Variants in PLCG2 observed in about 807,000 individuals in gnomAD.
The protein encoded by PLCG2 is 1-phosphatidylinositol 4,5-bisphosphate phosphodiesterase gamma-2.
Under a neutral mutation model 175.6 loss-of-function variants are expected in PLCG2, and 69 were observed. That is an observed-to-expected ratio of 0.39 (90% CI 0.32 to 0.48). The LOEUF is 0.48. Among genes scored for constraint, PLCG2 ranks in the 20% least tolerant of loss-of-function variants. PLCG2 has a pLI of 0.91. For synonymous variants in PLCG2, 827 were observed against 624.0 expected (o/e 1.33, Z -4.85); for missense variants, 1,798 against 1,650.9 (o/e 1.09, Z -1.54).
chr16:81,865,015 G>A (rs547587640), intron 5 of PLCG2, among the ~76,000 whole-genome samples: 1 of 152,280 alleles, frequency 6.6e-6, no homozygotes, highest in Admixed American at 6.5e-5. Flanking sequence ...GTGTGCAGGA[G>A]GCTTACTAGG....
chr16:81,825,253 C>A (rs1466568170), intron 2 of PLCG2, among the ~76,000 whole-genome samples: 1 of 143,576 alleles, frequency 7.0e-6, no homozygotes, highest in Non-Finnish European at 1.5e-5. Context: ...CTGCTCTAAT[C>A]TTTTAAATTA....
chr16:81,939,565 C>A (rs1910853384), intron 29 of PLCG2, among the ~76,000 whole-genome samples: 2 of 152,066 alleles, frequency 1.3e-5, no homozygotes, highest in African/African-American at 2.4e-5. Context: ...AGGCTCTCCT[C>A]CCCTTTTGTC....
At chr16:81,817,974 TG>T (rs1327241679) in intron 2 of PLCG2, among the ~76,000 whole-genome samples, 1 of 152,204 alleles carries the variant, frequency 6.6e-6, no homozygotes, top group Non-Finnish European at 1.5e-5. Context: ...AGACAGATTC[TG>T]GGAGGGAAGG....
chr16:81,876,760 C>T (rs1235338342), intron 7 of PLCG2, among the ~76,000 whole-genome samples: 1 of 152,232 alleles, frequency 6.6e-6, no homozygotes, highest in Non-Finnish European at 1.5e-5. Flanking sequence ...ACATAAGGCC[C>T]AGTGCCACCC....
At chr16:81,768,856 C>T (rs914755005) in intron 2 of PLCG2, among the ~76,000 whole-genome samples, 8 of 152,216 alleles carry the variant, frequency 5.3e-5, no homozygotes, top group African/African-American at 1.2e-4. Context: ...TGTGAGCCAC[C>T]GTGCCCAGCC....
At chr16:81,878,412 G>T (rs1431230098) in intron 7 of PLCG2, among the ~76,000 whole-genome samples, 1 of 152,062 alleles carries the variant, frequency 6.6e-6, no homozygotes, top group Non-Finnish European at 1.5e-5. Flanking sequence ...ATGGGTACTG[G>T]GTATTAGGAC....
intron 2 of PLCG2, among the ~76,000 whole-genome samples, chr16:81,844,278 C>G (rs1905995698): frequency 6.6e-6 from 1 of 151,616 alleles, no homozygotes; most frequent in African/African-American, 2.4e-5. Context: ...CAGGCGTGAG[C>G]CACCGCGCCC....
chr16:81,837,943 T>C (rs1050973637), intron 2 of PLCG2, among the ~76,000 whole-genome samples: 1 of 152,228 alleles, frequency 6.6e-6, no homozygotes, highest in East Asian at 1.9e-4. Flanking sequence ...TACTTGTGTG[T>C]ATTTAGTTAT....
intron 2 of PLCG2, among the ~76,000 whole-genome samples, chr16:81,762,504 G>T (rs2143089851): frequency 6.6e-6 from 1 of 152,178 alleles, no homozygotes. Context: ...GGTAGGTGGA[G>T]GTTACAGTGA....
chr16:81,882,516 C>G lies in PLCG2; in HGVS notation c.693-753C>G, dbSNP rs1040746250. On this transcript the variant is annotated intron_variant, in intron 8 of 32. Coordinates refer to ENST00000564138, the MANE Select transcript of PLCG2 (RefSeq NM_002661.5). ...GTCCTTTCTCCAACACCAGCTCTCC[C>G]TCTACGGGCGGGTGGTGTGTCGAGC... Among the ~76,000 whole-genome samples, 10 of 152,234 alleles carry G rather than the reference C, an allele frequency of 6.6e-5. No homozygotes were observed. In the East Asian group the frequency reaches 1.9e-3, roughly 29 times the overall value.
Position 81,769,124 on chromosome 16 carries a change from G to A in PLCG2, c.-48+13158G>A, listed in dbSNP as rs114422804. ...TCTATTGAAACAGTGCTTAAGGTAAGTTTGTCTCAGATGCCATGTGAGTTT... is the reference window on the plus strand; with the variant it reads ...TCTATTGAAACAGTGCTTAAGGTAAATTTGTCTCAGATGCCATGTGAGTTT... On this transcript the variant is annotated intron_variant, in intron 2 of 5. Coordinates refer to the PLCG2 transcript ENST00000565054. Among the ~76,000 whole-genome samples, 258 of 152,328 alleles carry A rather than the reference G, an allele frequency of 1.7e-3. 1 individual carries two copies. Among genetic ancestry groups the A allele is most frequent in the African/African-American group, 6.1e-3 (253 of 41,586 alleles).
chr16:81,761,112 G>T (rs2143087216), intron 2 of PLCG2, among the ~76,000 whole-genome samples: 1 of 152,216 alleles, frequency 6.6e-6, no homozygotes, highest in Non-Finnish European at 1.5e-5. Flanking sequence ...GCCCAGGCTG[G>T]TCTCAAACTT....
upstream of PLCG2, among the ~76,000 whole-genome samples, chr16:81,774,750 T>A (rs1218060324): frequency 6.6e-6 from 1 of 151,718 alleles, no homozygotes; most frequent in Non-Finnish European, 1.5e-5. Context: ...GGGTGTTTTT[T>A]TTTTTTTGGT....
In PLCG2 at chr16:81,858,287, A is replaced by T. The variant is rs1159704518; in HGVS notation, c.362A>T (p.Asn121Ile). 1 of 1,613,674 alleles carries T rather than the reference A, an allele frequency of 6.2e-7. No individual in the cohort carries two copies. Among genetic ancestry groups the T allele is most frequent in the Admixed American group, 1.7e-5 (1 of 60,032 alleles). Reference protein sequence around the residue: ...LAADSKEDAVNWLSGLKILHQ... With the variant: ...LAADSKEDAVIWLSGLKILHQ... ...GCTGACTCTAAAGAGGATGCAGTTA[A>T]CTGGCTCTCTGGCTTGAAAATCTTA... The change falls in exon 4 of 33, where the codon AAC becomes ATC. Residue 121 changes from asparagine to isoleucine, a missense_variant. Asn to Ile is a moderately radical substitution (Grantham distance 149, BLOSUM62 -3). Transcript: ENST00000564138.
chr16:81,953,461 G>A (rs1316505837), intron 31 of PLCG2, among the ~76,000 whole-genome samples: 1 of 152,070 alleles, frequency 6.6e-6, no homozygotes. Context: ...AAAGGTATTG[G>A]TGGGGGAAAA....
intron 24 of PLCG2, among the ~76,000 whole-genome samples, chr16:81,929,820 T>A (rs955695661): frequency 2.6e-4 from 40 of 152,386 alleles, no homozygotes; most frequent in African/African-American, 9.6e-4. Flanking sequence ...GACCACCACA[T>A]GTGCTGAGGT....
chr16:81,836,296 A>G (rs1022503195), intron 2 of PLCG2, among the ~76,000 whole-genome samples: 9 of 152,130 alleles, frequency 5.9e-5, no homozygotes, highest in African/African-American at 2.2e-4. Context: ...GTGGGACTGG[A>G]TCGTGGATCT....
chr16:81,780,630 T>C (rs1200186821), intron 1 of PLCG2, among the ~76,000 whole-genome samples: 2 of 152,046 alleles, frequency 1.3e-5, no homozygotes, highest in Non-Finnish European at 2.9e-5. Context: ...GCGACTGGAG[T>C]ATGGGCAGTT....
intron 31 of PLCG2, among the ~76,000 whole-genome samples, chr16:81,953,207 G>C (rs1418993293): frequency 1.3e-5 from 2 of 152,238 alleles, no homozygotes; most frequent in Non-Finnish European, 2.9e-5. Flanking sequence ...AATGACTAAA[G>C]GTTCTGTGGG....
Sources: allele counts gnomAD v4.1 joint callset (sites outside exome capture counted in the v4.1 genomes callset), GRCh38; gene constraint gnomAD v4.1.1; transcripts MANE v1.5; gene names NCBI Gene and HGNC (gene_info 2026-07-23, HGNC 2026-07-21).